Variants in ATP8A1 observed in about 807,000 individuals in gnomAD.
ATP8A1 encodes the protein ATPase phospholipid transporting 8A1.
In ATP8A1, 90 loss-of-function variants were observed where a neutral mutation model predicts 177.7. The ratio of observed to expected loss-of-function variants is 0.51; its 90% CI spans 0.43 to 0.60. The LOEUF (loss-of-function observed/expected upper bound fraction) is 0.60, where lower values mean the gene tolerates loss of function less well. Among genes scored for constraint, ATP8A1 ranks in the 20% least tolerant of loss-of-function variants. The probability of loss-of-function intolerance (pLI) is 0.00; values close to 1 mark genes in which losing one functional copy is unlikely to be tolerated. For synonymous variants in ATP8A1, 493 were observed against 485.9 expected (o/e 1.01, Z -0.19); for missense variants, 1,072 against 1,392.8 (o/e 0.77, Z 3.67).
intron 33 of ATP8A1, among the ~76,000 whole-genome samples, chr4:42,429,929 A>T (rs1715078610): frequency 6.6e-6 from 1 of 152,224 alleles, no homozygotes; most frequent in African/African-American, 2.4e-5. Flanking sequence ...AGTCAAATTC[A>T]GAAACAGCAA....
At chr4:42,602,417 C>CT (rs1332688159) in intron 5 of ATP8A1, among the ~76,000 whole-genome samples, 1 of 152,194 alleles carries the variant, frequency 6.6e-6, no homozygotes, top group Non-Finnish European at 1.5e-5. Context: ...GAGGTGCTGT[C>CT]TCTGCCAGAG....
chr4:42,548,010 C>T (rs1047778233), intron 19 of ATP8A1, among the ~76,000 whole-genome samples: 6 of 152,154 alleles, frequency 3.9e-5, no homozygotes, highest in Non-Finnish European at 7.3e-5. Context: ...GCCTCTCTGC[C>T]TCAAGAATGC....
At chr4:42,507,797 A>C (rs796445285) in intron 22 of ATP8A1, among the ~76,000 whole-genome samples, 77 of 141,066 alleles carry the variant, frequency 5.5e-4, no homozygotes, top group African/African-American at 1.7e-3. Context: ...AAAAAAAAAA[A>C]AAAAAAAAAA....
chr4:42,434,405 T>C (rs1355313946), intron 33 of ATP8A1, among the ~76,000 whole-genome samples: 1 of 152,226 alleles, frequency 6.6e-6, no homozygotes, highest in African/African-American at 2.4e-5. Flanking sequence ...AATCAGTCTG[T>C]AAAACACAAT....
intron 15 of ATP8A1, among the ~76,000 whole-genome samples, chr4:42,558,405 G>T (rs1216421530): frequency 1.3e-5 from 2 of 152,168 alleles, no homozygotes; most frequent in African/African-American, 4.8e-5. Context: ...AAGGCAGGGA[G>T]TATCACAGTT....
chr4:42,487,051 AGAG>A (rs1722268511), intron 24 of ATP8A1, among the ~76,000 whole-genome samples: 2 of 152,218 alleles, frequency 1.3e-5, no homozygotes, highest in Admixed American at 6.5e-5. Context: ...CTAGTAACTA[AGAG>A]GAGGAAATGC....
intron 35 of ATP8A1, among the ~76,000 whole-genome samples, chr4:42,415,593 T>C (rs1308690880): frequency 1.3e-5 from 2 of 152,178 alleles, no homozygotes; most frequent in South Asian, 2.1e-4. Context: ...TTTTATAAAA[T>C]TGTTTTGATA....
At position 42,597,041 on chromosome 4, in the gene ATP8A1, C is replaced by T. The variant is rs566430059; in HGVS notation, c.450+3437G>A. 7.2e-5 allele frequency among the ~76,000 whole-genome samples: 11 copies of T among 152,260 alleles called. No homozygotes were observed. The South Asian group carries it at 1.9e-3, about 26-fold the overall frequency. On this transcript the variant is annotated intron_variant, in intron 6 of 36. Coordinates refer to ENST00000381668, the MANE Select transcript of ATP8A1 (RefSeq NM_006095.2). The stretch of plus-strand genomic sequence containing the variant: ...TTGCAACAGGGAAAAGGTTTCAGGG[C>T]AGTAACTGGAGAGATAAACCACTAA...
chr4:42,500,196 C>T (rs1396662174), intron 24 of ATP8A1, among the ~76,000 whole-genome samples: 2 of 152,104 alleles, frequency 1.3e-5, no homozygotes, highest in Non-Finnish European at 2.9e-5. Flanking sequence ...GAAACCCCAT[C>T]TCTACTAAAA....
intron 15 of ATP8A1, among the ~76,000 whole-genome samples, chr4:42,559,604 C>T (rs1730601436): frequency 6.6e-6 from 1 of 152,156 alleles, no homozygotes; most frequent in Admixed American, 6.5e-5. Flanking sequence ...TCAGTAATTC[C>T]AGTTCTAGGA....
chr4:42,563,392 C>T lies in ATP8A1; in HGVS notation c.1340+5769G>A, dbSNP rs148703113. ...TAGGTGACTTGGGTGCTGTTAAAGG[C>T]ATTTAGTTTTATAAGAGAAGCAGAG... On this transcript the variant is annotated intron_variant, in intron 15 of 36. Coordinates refer to ENST00000381668, the MANE Select transcript of ATP8A1 (RefSeq NM_006095.2). 2.6e-5 allele frequency among the ~76,000 whole-genome samples: 4 copies of T among 152,242 alleles called. No homozygotes were observed. In the East Asian group the frequency reaches 7.7e-4, roughly 29 times the overall value.
intron 25 of ATP8A1, among the ~76,000 whole-genome samples, chr4:42,482,930 T>G (rs1270035419): frequency 6.6e-6 from 1 of 152,196 alleles, no homozygotes; most frequent in Non-Finnish European, 1.5e-5. Context: ...TAAACGAATT[T>G]GGGAAACAGT....
rs552594264 is a variant in ATP8A1, at chr4:42,622,214, A to C, written c.363+2322T>G. ...AACATGGCAAAACCCTGTCTCTACT[A>C]GGAAAAAAAAAAAAAAAATTAGCCG... On this transcript the variant is annotated intron_variant, in intron 4 of 36. Coordinates refer to ENST00000381668, the MANE Select transcript of ATP8A1 (RefSeq NM_006095.2). Among the ~76,000 whole-genome samples, 13 of 135,938 alleles carry C rather than the reference A, an allele frequency of 9.6e-5. No individual in the cohort carries two copies. The East Asian group carries it at 1.6e-3, about 16-fold the overall frequency. The allele number at this position is 135,938 out of a possible 152,430, so 89.2% of individuals were successfully genotyped here.
At chr4:42,644,057 T>C (rs1473903824) in intron 1 of ATP8A1, among the ~76,000 whole-genome samples, 1 of 152,256 alleles carries the variant, frequency 6.6e-6, no homozygotes, top group Admixed American at 6.5e-5. Context: ...GTAACAATGG[T>C]GATTTATTTG....
At chr4:42,569,304 C>T in intron 14 of ATP8A1, 99 bp from the exon 15 acceptor site, 1 of 859,702 alleles carries the variant, frequency 1.2e-6, no homozygotes, top group Non-Finnish European at 1.8e-6. Context: ...AAAGATGGAT[C>T]ACTGAAAAGT....
chr4:42,584,195 A>G (rs1455897886), intron 9 of ATP8A1, among the ~76,000 whole-genome samples: 11 of 152,170 alleles, frequency 7.2e-5, no homozygotes, highest in Admixed American at 7.2e-4. Flanking sequence ...TTTAGCCAAC[A>G]TTTAGTTGGC....
At chr4:42,474,616 C>T (rs1720845489) in intron 25 of ATP8A1, among the ~76,000 whole-genome samples, 1 of 152,174 alleles carries the variant, frequency 6.6e-6, no homozygotes, top group Non-Finnish European at 1.5e-5. Context: ...TATGGCTGTG[C>T]TGACAGACCC....
At chr4:42,552,418 ATTTGGCTATCT>A in intron 17 of ATP8A1, 76 bp downstream of exon 17, 1 of 1,136,194 alleles carries the variant, frequency 8.8e-7, no homozygotes, top group Non-Finnish European at 1.3e-6. Flanking sequence ...AAAACACTCA[ATTTGGCTATCT>A]TTTTAAAATT....
chr4:42,653,527 TTC>T (rs1741323139), intron 1 of ATP8A1, among the ~76,000 whole-genome samples: 2 of 152,368 alleles, frequency 1.3e-5, no homozygotes, highest in South Asian at 4.1e-4. Flanking sequence ...CTAATACTAA[TTC>T]TGACTTTTGT....
Sources: gnomAD v4.1 joint callset for allele counts (sites outside exome capture counted in the v4.1 genomes callset) on GRCh38, gnomAD v4.1.1 for gene constraint, MANE v1.5 for transcripts, NCBI Gene and HGNC (gene_info 2026-07-23, HGNC 2026-07-21) for gene names.